ANXA4: variants seen among roughly 807,000 people sequenced by gnomAD.
ANXA4 encodes annexin A4.
In ANXA4, 39 loss-of-function variants were observed where a neutral mutation model predicts 49.8. The observed-to-expected ratio is 0.78, with a 90% CI of 0.61 to 1.02. The LOEUF is 1.02. ANXA4 is among the 50% of genes least tolerant of loss of function. The probability of loss-of-function intolerance (pLI) is 0.00; values close to 1 mark genes in which losing one functional copy is unlikely to be tolerated. For missense variants in ANXA4, 360 were observed against 410.1 expected (o/e 0.88, Z 1.05); for synonymous variants, 134 against 152.5 (o/e 0.88, Z 0.89).
intron 2 of ANXA4, among the ~76,000 whole-genome samples, chr2:69,704,925 A>C (rs1678441982): frequency 6.6e-6 from 1 of 152,160 alleles, no homozygotes; most frequent in South Asian, 2.1e-4. Flanking sequence ...CTCAAGAGGT[A>C]ATTTTAACTC....
intron 2 of ANXA4, among the ~76,000 whole-genome samples, chr2:69,698,290 A>G (rs1261753223): frequency 6.6e-6 from 1 of 152,218 alleles, no homozygotes; most frequent in Non-Finnish European, 1.5e-5. Context: ...TGGGATTTTA[A>G]CCTATGAATT....
In ANXA4 at chr2:69,717,350, T is replaced by G. The variant is rs531403000; in HGVS notation, n.767-3424T>G. Among the ~76,000 whole-genome samples the G allele has an allele frequency of 1.6e-4, 24 of 152,300 alleles. No homozygotes were observed. The South Asian group carries it at 4.8e-3, about 30-fold the overall frequency. ...AACTCCCACCATGGCCCCTTTGTTC[T>G]CATCCAGTGCCTTTCATCCCACACT... is the stretch of plus-strand genomic sequence containing the variant. On this transcript the variant is annotated intron_variant and non_coding_transcript_variant, in intron 2 of 3. Transcript: ENST00000418066.
At chr2:69,763,723 C>T (rs903396759) in intron 1 of ANXA4, among the ~76,000 whole-genome samples, 2 of 146,064 alleles carry the variant, frequency 1.4e-5, no homozygotes, top group Non-Finnish European at 3.0e-5. Context: ...AGTGCAGTGG[C>T]GTGATCTCGT....
intron 1 of ANXA4, among the ~76,000 whole-genome samples, chr2:69,743,000 T>C (rs545488941): frequency 2.6e-4 from 39 of 152,164 alleles, no homozygotes; most frequent in Non-Finnish European, 3.8e-4. Flanking sequence ...CCCTACTGTT[T>C]GCCCTTTAAT....
chr2:69,817,554 T>C (rs966929064), intron 9 of ANXA4: 5 of 152,116 alleles, frequency 3.3e-5, no homozygotes, highest in Admixed American at 1.3e-4. Flanking sequence ...GATGAAATAA[T>C]ATAGAATGGC....
intron 2 of ANXA4, among the ~76,000 whole-genome samples, chr2:69,781,884 A>G (rs1672214599): frequency 6.6e-6 from 1 of 152,162 alleles, no homozygotes; most frequent in South Asian, 2.1e-4. Flanking sequence ...TTAAAAAGGA[A>G]AAACTAAAAA....
rs192092824 is a variant in ANXA4 at position 69,759,539 on chromosome 2, C to T, written c.-47+17364C>T. On this transcript the variant is annotated intron_variant, in intron 1 of 12. Coordinates refer to ENST00000394295, the MANE Select transcript of ANXA4 (RefSeq NM_001153.5). ...GTGGAAAGATTCATTATTTTCAACA[C>T]TGCAGTGAAAAATTCTACCTCTACC... Among the ~76,000 whole-genome samples the T allele has an allele frequency of 2.9e-3, 447 of 152,264 alleles. 5 individuals are homozygous for T. Among genetic ancestry groups the T allele is most frequent in the Admixed American group, 7.4e-3 (113 of 15,296 alleles).
At chr2:69,819,149 T>C (rs1674125921) in intron 10 of ANXA4, 131 bp from the exon 11 acceptor site, 1 of 624,378 alleles carries the variant, frequency 1.6e-6, no homozygotes, top group Admixed American at 3.2e-5. Context: ...CATGAAACAT[T>C]GCTTGGCTAA....
At chr2:69,732,027 C>T (rs1383160664) in intron 3 of ANXA4, among the ~76,000 whole-genome samples, 1 of 135,082 alleles carries the variant, frequency 7.4e-6, no homozygotes, top group Non-Finnish European at 1.5e-5. Context: ...GTCGCCCAGG[C>T]TGGAGTGCAG....
intron 3 of ANXA4, among the ~76,000 whole-genome samples, chr2:69,730,072 G>A (rs1357032614): frequency 1.3e-5 from 2 of 152,184 alleles, no homozygotes; most frequent in African/African-American, 4.8e-5. Context: ...AGGCACGATG[G>A]CACACACATG....
intron 2 of ANXA4, among the ~76,000 whole-genome samples, chr2:69,701,896 C>A (rs1266933593): frequency 6.6e-6 from 1 of 151,988 alleles, no homozygotes; most frequent in South Asian, 2.1e-4. Flanking sequence ...AATTTGTATG[C>A]GTTCTTAATA....
Position 69,668,736 on chromosome 2 carries a change from G to A in ANXA4, n.766+15454G>A, listed in dbSNP as rs184875059. On this transcript the variant is annotated intron_variant and non_coding_transcript_variant, in intron 2 of 3. Transcript: ENST00000418066. ...TTCAGGCACAGCCATATTACGCTGT[G>A]TATAACTCCTGTCTGTGGAATGAGA... Among the ~76,000 whole-genome samples the A allele has an allele frequency of 2.2e-3, 340 of 152,228 alleles. 1 individual carries two copies. The highest frequency in any genetic ancestry group is 7.8e-3 in the African/African-American group (324 of 41,534).
At chr2:69,734,259 T>C (rs898495690) in intron 3 of ANXA4, among the ~76,000 whole-genome samples, 13 of 152,232 alleles carry the variant, frequency 8.5e-5, no homozygotes, top group Admixed American at 6.5e-4. Flanking sequence ...CTCCTGAGAC[T>C]ACCATTGCCA....
intron 2 of ANXA4, among the ~76,000 whole-genome samples, chr2:69,685,842 C>T (rs184292835): frequency 3.9e-5 from 6 of 152,106 alleles, no homozygotes; most frequent in East Asian, 1.9e-4. Context: ...GGGTTGGGGG[C>T]GGAGAGAGGG....
chr2:69,666,064 CGTG>C (rs1160170234), intron 2 of ANXA4, among the ~76,000 whole-genome samples: 2 of 151,974 alleles, frequency 1.3e-5, no homozygotes, highest in Non-Finnish European at 2.9e-5. Context: ...AATAGCGGGG[CGTG>C]GTGGTGGGCA....
chr2:69,758,727 G>A (rs140019048), intron 1 of ANXA4, among the ~76,000 whole-genome samples: 106 of 152,268 alleles, frequency 7.0e-4, no homozygotes, highest in Middle Eastern at 3.4e-3. Flanking sequence ...CTAACTTATG[G>A]GTGGTTGGGC....
chr2:69,752,638 T>C (rs1023833237), intron 1 of ANXA4, among the ~76,000 whole-genome samples: 1 of 152,212 alleles, frequency 6.6e-6, no homozygotes, highest in African/African-American at 2.4e-5. Context: ...ATCACATACC[T>C]GCCTCCTCTC....
intron 1 of ANXA4, among the ~76,000 whole-genome samples, chr2:69,764,221 G>A (rs193078590): frequency 1.2e-3 from 178 of 152,264 alleles, no homozygotes; most frequent in African/African-American, 4.3e-3. Flanking sequence ...AACCTGTTGG[G>A]ATTTCTGTAT....
upstream of ANXA4, among the ~76,000 whole-genome samples, chr2:69,738,893 G>C (rs1357784797): frequency 6.6e-6 from 1 of 152,226 alleles, no homozygotes; most frequent in African/African-American, 2.4e-5. Flanking sequence ...TAGAAGAATT[G>C]CTCAGTTCAA....
Sources: allele counts gnomAD v4.1 joint callset (sites outside exome capture counted in the v4.1 genomes callset), GRCh38; gene constraint gnomAD v4.1.1; transcripts MANE v1.5; gene names NCBI Gene and HGNC (gene_info 2026-07-23, HGNC 2026-07-21).